The following USP54 variants were observed in gnomAD, a reference collection of about 807,000 sequenced individuals.
USP54 encodes ubiquitin specific peptidase 54.
In USP54, 87 loss-of-function variants were observed where a neutral mutation model predicts 170.5. The observed-to-expected ratio is 0.51, with a 90% confidence interval of 0.43 to 0.61. The LOEUF (loss-of-function observed/expected upper bound fraction) is 0.61, where lower values mean the gene tolerates loss of function less well. Ranked by LOEUF, USP54 falls within the 20% of genes least tolerant of loss-of-function variation. The pLI, the probability that USP54 is intolerant of heterozygous loss-of-function variation, is 0.00. For synonymous variants in USP54, 655 were observed against 742.8 expected (o/e 0.88, Z 1.92); for missense variants, 1,786 against 2,047.8 (o/e 0.87, Z 2.47).
chr10:73,524,516 G>A (rs951657148), intron 16 of USP54, among the ~76,000 whole-genome samples: 1 of 152,046 alleles, frequency 6.6e-6, no homozygotes, highest in African/African-American at 2.4e-5. Context: ...GGAGGTGGAG[G>A]TTGCAGTGAG....
chr10:73,581,406 G>A (rs1179678747), intron 1 of USP54, among the ~76,000 whole-genome samples: 3 of 152,208 alleles, frequency 2.0e-5, no homozygotes. Context: ...TGTATGAAAT[G>A]ATGGAAAACA....
chr10:73,517,726 T>C lies in USP54; in HGVS notation c.2700A>G (p.Gln900=). The change falls in exon 20 of 24, where the codon CAA becomes CAG. Residue 900 remains glutamine, a synonymous_variant. Coordinates refer to ENST00000687698, the MANE Select transcript of USP54 (RefSeq NM_001391956.1). The stretch of plus-strand genomic sequence containing the variant: ...GTTGGGCCTCTTGGCTTAACAATAC[T>C]TGGAGCGGGATAGGCTGTTCACTGA... The part of the protein sequence containing the change: ...QPTSEQPIPL[Q]VLLSQEAQLE... The C allele has an allele frequency of 6.2e-7, 1 of 1,613,666 alleles. No homozygotes were observed. Among genetic ancestry groups the C allele is most frequent in the South Asian group, 1.1e-5 (1 of 91,014 alleles).
At chr10:73,532,493 T>A (rs887409934) in intron 12 of USP54, among the ~76,000 whole-genome samples, 2 of 152,138 alleles carry the variant, frequency 1.3e-5, no homozygotes, top group African/African-American at 2.4e-5. Flanking sequence ...GTCTTACAAA[T>A]GTTAAACCAA....
At chr10:73,513,489 C>T (rs1219990364) in intron 20 of USP54, 2 of 151,108 alleles carry the variant, frequency 1.3e-5, no homozygotes, top group Non-Finnish European at 2.9e-5. Context: ...TTGTAAGTAA[C>T]CTAAATATTC....
At chr10:73,546,198 TAA>T (rs766743056) in intron 4 of USP54, among the ~76,000 whole-genome samples, 2 of 152,214 alleles carry the variant, frequency 1.3e-5, no homozygotes, top group East Asian at 1.9e-4. Flanking sequence ...CAGATAATGC[TAA>T]AGTCTTGTTT....
At chr10:73,558,505 A>G (rs1428932776) in intron 4 of USP54, among the ~76,000 whole-genome samples, 2 of 152,202 alleles carry the variant, frequency 1.3e-5, no homozygotes, top group African/African-American at 4.8e-5. Flanking sequence ...ATAAAATTGT[A>G]TACAGGCATG....
intron 1 of USP54, among the ~76,000 whole-genome samples, chr10:73,597,369 G>A (rs1160341864): frequency 6.6e-6 from 1 of 152,098 alleles, no homozygotes; most frequent in Non-Finnish European, 1.5e-5. Flanking sequence ...CTGCTCCTAG[G>A]GATAACATCA....
chr10:73,584,328 C>G (rs2077232535), intron 1 of USP54, among the ~76,000 whole-genome samples: 1 of 151,882 alleles, frequency 6.6e-6, no homozygotes, highest in Admixed American at 6.6e-5. Flanking sequence ...TCGGAGGTTG[C>G]AGTGAGCCAA....
At chr10:73,584,713 G>A (rs1186905628) in intron 1 of USP54, among the ~76,000 whole-genome samples, 2 of 151,836 alleles carry the variant, frequency 1.3e-5, no homozygotes, top group Non-Finnish European at 2.9e-5. Flanking sequence ...TAAAATAGGG[G>A]TTTAAACACA....
rs1338016755 is a variant in USP54 at position 73,541,364 on chromosome 10, C to G, written c.825+11G>C. On this transcript the variant is annotated intron_variant, in intron 9 of 23. Transcript: ENST00000687698. ...AACTCAAAGTGAGAGATAAAGGTAACTAACACGCACATCACCCAGCTTAAG... is the reference window on the plus strand; with the variant it reads ...AACTCAAAGTGAGAGATAAAGGTAAGTAACACGCACATCACCCAGCTTAAG... The G allele has an allele frequency of 6.2e-7, 1 of 1,613,728 alleles. No individual in the cohort carries two copies. The highest frequency in any genetic ancestry group is 1.3e-5 in the African/African-American group (1 of 74,912).
intron 16 of USP54, 111 bp downstream of exon 16, chr10:73,526,528 TGAGCCACC>T: frequency 7.0e-7 from 1 of 1,426,510 alleles, no homozygotes. Context: ...ATTACAGGTG[TGAGCCACC>T]GCGCCCGGCC....
intron 1 of USP54, among the ~76,000 whole-genome samples, chr10:73,588,317 T>G (rs1239671349): frequency 6.6e-6 from 1 of 152,182 alleles, no homozygotes; most frequent in Non-Finnish European, 1.5e-5. Context: ...CCTCGCAGAC[T>G]CAAGCAATTC....
intron 19 of USP54, chr10:73,518,333 A>G (rs919384130): frequency 5.5e-6 from 4 of 725,784 alleles, no homozygotes; most frequent in Non-Finnish European, 6.7e-6. Context: ...TTAGTCACTG[A>G]GATGTTTCCC....
Position 73,517,686 on chromosome 10 carries a change from C to A in USP54, c.2740G>T (p.Asp914Tyr). The change falls in exon 20 of 24, where the codon GAT (aspartate) becomes TAT (tyrosine). Residue 914 changes from aspartate (D) to tyrosine (Y), a missense_variant. Physicochemically the swap from Asp to Tyr is radical, Grantham distance 160 (BLOSUM62 -3). This residue lies in a region of USP54 where 1,418 missense variants were observed against 1,569.0 expected (regional missense o/e 0.90). Coordinates refer to ENST00000687698, the MANE Select transcript of USP54 (RefSeq NM_001391956.1). ...SQEAQLESGM[D>Y]TEFGASSFFH... ...AAAGAACTGGCCCCAAACTCTGTAT[C>A]CATGCCGGATTCCAGTTGGGCCTCT... 1.2e-6 allele frequency: 2 copies of A among 1,614,168 alleles called. No individual in the cohort carries two copies. The highest frequency in any genetic ancestry group is 2.2e-5 in the South Asian group (2 of 91,078).
chr10:73,561,062 G>A (rs2072837777), intron 4 of USP54, among the ~76,000 whole-genome samples: 2 of 137,822 alleles, frequency 1.5e-5, no homozygotes, highest in Admixed American at 8.0e-5. Context: ...CCGAGATCAT[G>A]CTATTGCACT....
At chr10:73,618,546 C>T (rs1164341909) in intron 1 of USP54, among the ~76,000 whole-genome samples, 1 of 149,594 alleles carries the variant, frequency 6.7e-6, no homozygotes, top group Admixed American at 6.6e-5. Context: ...GAGTTCAAGA[C>T]CAGCCTGGCC....
intron 22 of USP54, among the ~76,000 whole-genome samples, chr10:73,503,740 G>A (rs2058582054): frequency 6.6e-6 from 1 of 152,038 alleles, no homozygotes; most frequent in Non-Finnish European, 1.5e-5. Context: ...TGTTTGTTTT[G>A]TTTTGTTTTT....
chr10:73,522,821 G>T (rs986139321), intron 17 of USP54, among the ~76,000 whole-genome samples: 13 of 152,134 alleles, frequency 8.5e-5, no homozygotes, highest in Admixed American at 7.9e-4. Context: ...GAGAAAAGTG[G>T]TCAACAGAAA....
chr10:73,546,283 T>C (rs1245303183), intron 4 of USP54, among the ~76,000 whole-genome samples: 1 of 152,210 alleles, frequency 6.6e-6, no homozygotes, highest in African/African-American at 2.4e-5. Context: ...TAGTTTTACA[T>C]ATATATCCCT....
Sources: allele counts gnomAD v4.1 joint callset (sites outside exome capture counted in the v4.1 genomes callset), GRCh38; gene constraint gnomAD v4.1.1; regional missense constraint gnomAD v4.1.1; transcripts MANE v1.5; gene names NCBI Gene and HGNC (gene_info 2026-07-23, HGNC 2026-07-21).